Variants in ADGRL2 observed in about 807,000 individuals in gnomAD.
ADGRL2 encodes the protein adhesion G protein-coupled receptor L2.
Under a neutral mutation model 157.4 loss-of-function variants are expected in ADGRL2, and 44 were observed. That is an observed-to-expected ratio of 0.28 (90% CI 0.22 to 0.36). The LOEUF is 0.36. Among genes scored for constraint, ADGRL2 ranks in the 10% least tolerant of loss-of-function variants. The pLI is 1.00. For missense variants in ADGRL2, 1,510 were observed against 1,768.9 expected, an observed-to-expected ratio of 0.85 and a Z score of 2.63; for synonymous variants, 585 against 624.7, an observed-to-expected ratio of 0.94 and a Z score of 0.95.
At chr1:81,802,930 G>T (rs2088495243) in intron 1 of ADGRL2, among the ~76,000 whole-genome samples, 1 of 152,104 alleles carries the variant, frequency 6.6e-6, no homozygotes, top group Non-Finnish European at 1.5e-5. Flanking sequence ...ATTGGGAGCG[G>T]CGGGGCTGCT....
chr1:81,391,182 C>A (rs933608923), intron 1 of ADGRL2, among the ~76,000 whole-genome samples: 47 of 152,382 alleles, frequency 3.1e-4, no homozygotes, highest in Non-Finnish European at 4.6e-4. Flanking sequence ...TTCATTGATG[C>A]AGCAAACTCA....
At chr1:81,682,125 G>C (rs1453302644) in intron 3 of ADGRL2, among the ~76,000 whole-genome samples, 1 of 151,774 alleles carries the variant, frequency 6.6e-6, no homozygotes, top group Non-Finnish European at 1.5e-5. Context: ...GTGTGTGTGT[G>C]TGTGTGTATT....
At chr1:81,469,301 A>G (rs1453490765) in intron 2 of ADGRL2, among the ~76,000 whole-genome samples, 1 of 152,124 alleles carries the variant, frequency 6.6e-6, no homozygotes, top group African/African-American at 2.4e-5. Context: ...CCTCTCCTAT[A>G]CATGGTTTTT....
rs182862761 is a variant in ADGRL2 at position 81,943,023 on chromosome 1, A to C, written c.464A>C (p.Glu155Ala). Residue 155 changes from glutamate (E) to alanine (A), a missense_variant, in exon 6 of 24, where the codon GAA (glutamate) becomes GCA (alanine). By Grantham distance (107) the Glu-to-Ala change is moderately radical (BLOSUM62 -1). Coordinates refer to ENST00000686636, the MANE Select transcript of ADGRL2 (RefSeq NM_001366006.2). This position sits in a 1 kb window ranked among gnomAD's most constrained non-coding sequence, Gnocchi z 5.6. Reference protein sequence around the residue: ...KAIVDSPCIYEAEQKAGAWCK... With the variant: ...KAIVDSPCIYAAEQKAGAWCK... The stretch of plus-strand genomic sequence containing the variant: ...ATTGTGGACTCACCATGTATATATG[A>C]AGCTGAACAAAAGGCGGGTGCTTGG... The C allele has an allele frequency of 2.2e-5, 36 of 1,613,304 alleles. No homozygotes were observed. The East Asian group carries it at 7.4e-4, about 33-fold the overall frequency.
At chr1:81,701,848 C>G (rs752059776) in intron 1 of ADGRL2, among the ~76,000 whole-genome samples, 1 of 152,204 alleles carries the variant, frequency 6.6e-6, no homozygotes. Context: ...TCTCTTTTCT[C>G]CCAGGAATTG....
chr1:81,426,757 G>T lies in ADGRL2; in HGVS notation c.-301-18279G>T, dbSNP rs1570936683. 3 of 462,408 alleles carry T rather than the reference G, an allele frequency of 6.5e-6. No individual in the cohort carries two copies. In the East Asian group the frequency reaches 1.6e-4, roughly 25 times the overall value. 28.6% of individuals were successfully genotyped at this position (462,408 alleles called of 1,614,324 possible). On this transcript the variant is annotated intron_variant, in intron 1 of 24. Transcript: ENST00000370721. ...CATGTGCTCAACCACACAGGTTGGT[G>T]GGTGTCTATTGGAACCAAAGATAAC...
intron 1 of ADGRL2, among the ~76,000 whole-genome samples, chr1:81,377,250 C>T (rs1046103967): frequency 1.3e-5 from 2 of 152,024 alleles, no homozygotes; most frequent in African/African-American, 2.4e-5. Context: ...CATCAATCAT[C>T]AGCAAGTATA....
chr1:81,355,709 A>G lies in ADGRL2; in HGVS notation c.-302+49200A>G, dbSNP rs112004525. On this transcript the variant is annotated intron_variant, in intron 1 of 24. Transcript: ENST00000370721. ...CATGGGAAGACAAGAGACTATTAGA[A>G]GCAGGTTCACCCTGGGCCTGCAGCT... is the stretch of plus-strand genomic sequence containing the variant. Among the ~76,000 whole-genome samples the G allele has an allele frequency of 4.4e-4, 67 of 152,300 alleles. 1 individual carries two copies. Among genetic ancestry groups the G allele is most frequent in the African/African-American group, 1.6e-3 (66 of 41,566 alleles).
intron 2 of ADGRL2, among the ~76,000 whole-genome samples, chr1:81,490,359 T>C (rs555446696): frequency 2.0e-4 from 31 of 152,298 alleles, no homozygotes; most frequent in African/African-American, 7.5e-4. Flanking sequence ...CTCGAGCTCC[T>C]GACCTCAGGT....
intron 1 of ADGRL2, among the ~76,000 whole-genome samples, chr1:81,424,948 C>T (rs11163287): frequency 0.18 from 26,864 of 152,140 alleles, 2,544 homozygotes; most frequent in South Asian, 0.29. Context: ...GAGCAGTCCT[C>T]TTCTCAGTAC....
intron 1 of ADGRL2, among the ~76,000 whole-genome samples, chr1:81,346,207 G>T (rs1488242466): frequency 6.6e-6 from 1 of 152,056 alleles, no homozygotes; most frequent in Non-Finnish European, 1.5e-5. Flanking sequence ...TTCTATAAAG[G>T]CTTGCAAAAT....
At chr1:81,761,819 T>C (rs1254605451) in exon 2 of ADGRL2, 1 of 152,092 alleles carries the variant, frequency 6.6e-6, no homozygotes, top group Non-Finnish European at 1.5e-5. Flanking sequence ...AGGGTATTTA[T>C]GGCACAATGA....
intron 3 of ADGRL2, among the ~76,000 whole-genome samples, chr1:81,594,635 T>C (rs895598628): frequency 1.3e-5 from 2 of 152,240 alleles, no homozygotes; most frequent in African/African-American, 2.4e-5. Flanking sequence ...ACAACGTAGT[T>C]AGAATTCTCA....
intron 11 of ADGRL2, among the ~76,000 whole-genome samples, chr1:81,961,288 A>G (rs1655283511): frequency 6.6e-6 from 1 of 152,102 alleles, no homozygotes; most frequent in East Asian, 1.9e-4. Flanking sequence ...GTATTTTACC[A>G]TATTTGCTTC....
intron 11 of ADGRL2, among the ~76,000 whole-genome samples, chr1:81,961,285 A>G (rs780303165): frequency 6.6e-6 from 1 of 152,060 alleles, no homozygotes; most frequent in African/African-American, 2.4e-5. Flanking sequence ...TTGGTATTTT[A>G]CCATATTTGC....
chr1:81,453,127 T>C (rs556360545), intron 2 of ADGRL2, among the ~76,000 whole-genome samples: 4 of 152,198 alleles, frequency 2.6e-5, no homozygotes, highest in Non-Finnish European at 5.9e-5. Flanking sequence ...ACAAGGTGTG[T>C]CTAGCTCTCT....
At chr1:81,692,909 A>G (rs1222371172) in intron 3 of ADGRL2, among the ~76,000 whole-genome samples, 1 of 152,190 alleles carries the variant, frequency 6.6e-6, no homozygotes, top group Admixed American at 6.5e-5. Flanking sequence ...CTGACAACAC[A>G]GTAGCACTTC....
rs181571701 is a variant in ADGRL2 at position 81,962,472 on chromosome 1, T to A, written c.2018-3586T>A. Among the ~76,000 whole-genome samples the A allele has an allele frequency of 3.4e-3, 524 of 152,298 alleles. 3 individuals are homozygous for A. Among genetic ancestry groups the A allele is most frequent in the South Asian group, 0.011 (51 of 4,830 alleles). On this transcript the variant is annotated intron_variant, in intron 11 of 23. Coordinates refer to ENST00000686636, the MANE Select transcript of ADGRL2 (RefSeq NM_001366006.2). ...TTTTATCTTTTTAAAAGGAATCTGT[T>A]GTTTTACATAATGAGTCAGATATAT...
chr1:81,823,410 C>A (rs2091187665), intron 1 of ADGRL2, among the ~76,000 whole-genome samples: 1 of 138,466 alleles, frequency 7.2e-6, no homozygotes, highest in South Asian at 2.6e-4. Context: ...TTCCTGTCTC[C>A]CTCCTTCCCC....
Sources: gnomAD v4.1 joint callset for allele counts (sites outside exome capture counted in the v4.1 genomes callset) on GRCh38, gnomAD v4.1.1 for gene constraint, Gnocchi (gnomAD v3.1) non-coding constraint, MANE v1.5 for transcripts, NCBI Gene and HGNC (gene_info 2026-07-23, HGNC 2026-07-21) for gene names.